The following NAALAD2 variants were observed in gnomAD, a reference collection of about 807,000 sequenced individuals.
The protein encoded by NAALAD2 is N-acetylated-alpha-linked acidic dipeptidase 2.
NAALAD2 carries 89 observed loss-of-function variants against 95.6 expected under a neutral mutation model. That is an observed-to-expected ratio of 0.93 (90% CI 0.78 to 1.11). NAALAD2 has a LOEUF of 1.11. NAALAD2 is among the 50% of genes least tolerant of loss of function. The pLI, the probability that NAALAD2 is intolerant of heterozygous loss-of-function variation, is 0.00. For missense variants in NAALAD2, 894 were observed against 872.4 expected (o/e 1.02, Z -0.31); for synonymous variants, 264 against 294.4 (o/e 0.90, Z 1.06).
chr11:90,167,720 C>T (rs1041841800), intron 11 of NAALAD2, among the ~76,000 whole-genome samples: 20 of 152,186 alleles, frequency 1.3e-4, no homozygotes, highest in African/African-American at 4.8e-4. Flanking sequence ...CACCCTGTGT[C>T]TAGCTCAGGG....
rs778426643 is a variant in NAALAD2, at chr11:90,163,554, T to C, written c.1215T>C (p.Thr405=). The C allele has an allele frequency of 7.4e-6, 12 of 1,613,962 alleles. No homozygotes were observed. In the South Asian group the frequency reaches 1.2e-4, roughly 16 times the overall value. The part of the protein sequence containing the change: ...LMSKGWRPRR[T]IIFASWDAEE... The stretch of plus-strand genomic sequence containing the variant: ...TTACAGGCTGGAGACCTAGAAGAAC[T>C]ATCATTTTTGCCAGCTGGGATGCAG... The change falls in exon 11 of 19, where the codon ACT becomes ACC. Residue 405 remains threonine (T), a synonymous_variant. Transcript: ENST00000534061.
chr11:90,159,313 G>A lies in NAALAD2; in HGVS notation c.965G>A (p.Gly322Asp), dbSNP rs1355449673. ...ALNVSYSIGP[G>D]FTGSDSFRKV... ...AATGTGAGTTATAGTATCGGACCTG[G>A]CTTTACAGGGAGTGATTCTTTCAGG... The change falls in exon 8 of 19, where the codon GGC becomes GAC. Residue 322 changes from glycine (G) to aspartate (D), a missense_variant. Transcript: ENST00000534061. 6.2e-7 allele frequency: 1 copy of A among 1,613,376 alleles called. No individual in the cohort carries two copies. The highest frequency in any genetic ancestry group is 8.5e-7 in the Non-Finnish European group (1 of 1,179,652).
At chr11:90,165,590 A>T (rs1193743143) in intron 11 of NAALAD2, among the ~76,000 whole-genome samples, 1 of 152,166 alleles carries the variant, frequency 6.6e-6, no homozygotes, top group African/African-American at 2.4e-5. Context: ...TAAAAATCCC[A>T]CTCACAATTA....
chr11:90,191,434 A>T (rs1282025754), intron 18 of NAALAD2, 124 bp from the exon 19 acceptor site: 2 of 567,082 alleles, frequency 3.5e-6, no homozygotes, highest in Non-Finnish European at 5.6e-6. Context: ...ATCTCAGATC[A>T]ACTGTCTTCT....
intron 12 of NAALAD2, chr11:90,169,708 T>C: frequency 5.3e-6 from 1 of 188,044 alleles, no homozygotes; most frequent in Non-Finnish European, 1.1e-5. Flanking sequence ...CTTTGTCTAA[T>C]ATCTTGATAT....
intron 15 of NAALAD2, among the ~76,000 whole-genome samples, chr11:90,176,667 A>G (rs1331109975): frequency 1.3e-5 from 2 of 152,198 alleles, no homozygotes; most frequent in East Asian, 3.9e-4. Flanking sequence ...TTTGCTCATC[A>G]ATGTTATAAA....
At chr11:90,170,492 C>A (rs1269990303) in intron 13 of NAALAD2, among the ~76,000 whole-genome samples, 1 of 152,152 alleles carries the variant, frequency 6.6e-6, no homozygotes. Flanking sequence ...CAAATATTCA[C>A]TGAGTGGTCA....
At chr11:90,188,196 C>T (rs1308940444) in intron 18 of NAALAD2, among the ~76,000 whole-genome samples, 1 of 152,080 alleles carries the variant, frequency 6.6e-6, no homozygotes, top group Non-Finnish European at 1.5e-5. Context: ...TCACTATGTA[C>T]AGAGAAACCT....
At chr11:90,138,467 A>G (rs1951507486) in intron 2 of NAALAD2, among the ~76,000 whole-genome samples, 2 of 152,146 alleles carry the variant, frequency 1.3e-5, no homozygotes, top group African/African-American at 4.8e-5. Flanking sequence ...CATTTGCTTT[A>G]GTTTTAGTGC....
chr11:90,133,510 G>A (rs1431328743), upstream of NAALAD2, among the ~76,000 whole-genome samples: 1 of 151,958 alleles, frequency 6.6e-6, no homozygotes, highest in South Asian at 2.1e-4. Context: ...AAAAAAAAAG[G>A]CTTACAAATT....
intron 7 of NAALAD2, 71 bp downstream of exon 7, chr11:90,158,309 A>G (rs758664490): frequency 4.6e-6 from 5 of 1,092,032 alleles, no homozygotes; most frequent in Admixed American, 1.9e-5. Flanking sequence ...TTGAAAACCA[A>G]TATGGCATTC....
At chr11:90,169,095 T>A in intron 12 of NAALAD2, 103 bp downstream of exon 12, 1 of 750,742 alleles carries the variant, frequency 1.3e-6, no homozygotes, top group Non-Finnish European at 2.1e-6. Context: ...CTATAAATTC[T>A]AGCTTATTAA....
intron 13 of NAALAD2, 74 bp from the exon 14 acceptor site, chr11:90,173,750 A>AAT: frequency 1.0e-6 from 1 of 988,758 alleles, no homozygotes; most frequent in Non-Finnish European, 1.5e-6. Flanking sequence ...GATGACAAAT[A>AAT]ATATATAGTT....
chr11:90,177,151 A>T (rs1406909274), intron 15 of NAALAD2, among the ~76,000 whole-genome samples: 1 of 152,214 alleles, frequency 6.6e-6, no homozygotes, highest in Non-Finnish European at 1.5e-5. Flanking sequence ...AAGAACTAAA[A>T]AGAATATTTA....
intron 18 of NAALAD2, among the ~76,000 whole-genome samples, chr11:90,189,749 G>A (rs1051261276): frequency 1.3e-5 from 2 of 149,586 alleles, no homozygotes; most frequent in East Asian, 2.0e-4. Context: ...AGCCTGGGCC[G>A]ACAGAACGAG....
At chr11:90,140,814 C>CT (rs1951592816) in intron 2 of NAALAD2, among the ~76,000 whole-genome samples, 1 of 151,964 alleles carries the variant, frequency 6.6e-6, no homozygotes, top group Admixed American at 6.6e-5. Flanking sequence ...ATTTTGTCTT[C>CT]TTTTTTCCCC....
chr11:90,155,336 T>TTA (rs370235454), intron 6 of NAALAD2, among the ~76,000 whole-genome samples: 2 of 116,456 alleles, frequency 1.7e-5, no homozygotes, highest in Admixed American at 1.1e-4. Flanking sequence ...TAATGTATAA[T>TTA]TATATATATT....
chr11:90,137,543 G>A (rs1025484243), intron 2 of NAALAD2, among the ~76,000 whole-genome samples: 22 of 152,184 alleles, frequency 1.4e-4, no homozygotes, highest in African/African-American at 5.1e-4. Context: ...TCTATTCACG[G>A]CTTTGGCTTA....
At chr11:90,161,170 C>G (rs1952286320) in intron 8 of NAALAD2, among the ~76,000 whole-genome samples, 1 of 151,320 alleles carries the variant, frequency 6.6e-6, no homozygotes, top group Non-Finnish European at 1.5e-5. Context: ...GCTGCCCATA[C>G]CTGGTTCTGC....
Sources: gnomAD v4.1 joint callset for allele counts (sites outside exome capture counted in the v4.1 genomes callset) on GRCh38, gnomAD v4.1.1 for gene constraint, MANE v1.5 for transcripts, NCBI Gene and HGNC (gene_info 2026-07-23, HGNC 2026-07-21) for gene names.